IQSEC1: variants seen among roughly 807,000 people sequenced by gnomAD.
IQSEC1 encodes IQ motif and Sec7 domain ArfGEF 1, also known as IQ motif and SEC7 domain-containing protein 1.
IQSEC1 carries 31 observed loss-of-function variants against 91.0 expected under a neutral mutation model. That is an observed-to-expected ratio of 0.34 (90% CI 0.26 to 0.46). IQSEC1 has a LOEUF of 0.46. Among genes scored for constraint, IQSEC1 ranks in the 20% least tolerant of loss-of-function variants. The pLI, the probability that IQSEC1 is intolerant of heterozygous loss-of-function variation, is 1.00. For synonymous variants in IQSEC1, 699 were observed against 662.6 expected (o/e 1.05, Z -0.84); for missense variants, 1,388 against 1,575.6 (o/e 0.88, Z 2.02).
chr3:12,918,094 A>G (rs1696282902), intron 6 of IQSEC1, among the ~76,000 whole-genome samples: 1 of 152,302 alleles, frequency 6.6e-6, no homozygotes, highest in Admixed American at 6.5e-5. Context: ...GGCCTCAGCC[A>G]TTTCTTGGTT....
exon 1 of IQSEC1, among the ~76,000 whole-genome samples, chr3:13,283,228 G>A (rs1695835918): frequency 6.7e-6 from 1 of 149,228 alleles, no homozygotes; most frequent in African/African-American, 2.4e-5. Context: ...AGCTGCGGCC[G>A]CAGCGGGCAG....
chr3:13,082,591 G>A (rs1576241716), intron 2 of IQSEC1, among the ~76,000 whole-genome samples: 1 of 152,198 alleles, frequency 6.6e-6, no homozygotes. Flanking sequence ...TCAGTCACTG[G>A]GCTCTCAGCA....
intron 1 of IQSEC1, among the ~76,000 whole-genome samples, chr3:13,039,322 G>A (rs1200299422): frequency 6.6e-6 from 1 of 152,188 alleles, no homozygotes; most frequent in African/African-American, 2.4e-5. Flanking sequence ...CAGAGCTCCA[G>A]GATTATTTTA....
rs3773325 is a variant in IQSEC1 at position 12,935,156 on chromosome 3, G to C, written c.1568+292C>G. On this transcript the variant is annotated intron_variant, in intron 3 of 13. Coordinates refer to ENST00000613206, the MANE Select transcript of IQSEC1 (RefSeq NM_001134382.3). This position sits in a 1 kb window ranked among gnomAD's most constrained non-coding sequence, Gnocchi z 8.0. ...TACCCCACTTGCTATGGCGGACTTG[G>C]GGGGGATGGGACGGAAGGGCCCGGG... is the stretch of plus-strand genomic sequence containing the variant. Among the ~76,000 whole-genome samples, 17,104 of 152,196 alleles carry C rather than the reference G, an allele frequency of 0.11. 1,120 individuals are homozygous for C. The highest frequency in any genetic ancestry group is 0.21 in the South Asian group (1,005 of 4,820).
intron 2 of IQSEC1, among the ~76,000 whole-genome samples, chr3:13,134,324 C>T (rs1706672508): frequency 6.6e-6 from 1 of 152,232 alleles, no homozygotes; most frequent in South Asian, 2.1e-4. Flanking sequence ...TACCCTGAGT[C>T]TCCGCTCACT....
At chr3:13,007,708 A>C (rs879781344) in intron 1 of IQSEC1, among the ~76,000 whole-genome samples, 1 of 152,182 alleles carries the variant, frequency 6.6e-6, no homozygotes, top group Non-Finnish European at 1.5e-5. Flanking sequence ...CTGCTGCTTG[A>C]AAGCCTCCGC....
chr3:12,924,673 G>A lies in IQSEC1; in HGVS notation c.1638C>T (p.Ala546=). ...GFVPDTPVGV[A]HFLLQRKGLS... ...GGCCCTTGCGCTGCAGCAGGAAGTG[G>A]GCCACCCCGACGGGCGTGTCGGGCA... Residue 546 remains alanine, a synonymous_variant, in exon 4 of 14, where the codon GCC becomes GCT. Transcript: ENST00000613206. The surrounding 1 kb of genome is among the most constrained non-coding windows in gnomAD (Gnocchi z 6.3). 1 of 1,610,448 alleles carries A rather than the reference G, an allele frequency of 6.2e-7. No homozygotes were observed. Among genetic ancestry groups the A allele is most frequent in the East Asian group, 2.2e-5 (1 of 44,632 alleles).
chr3:13,176,493 C>T (rs912480157), intron 1 of IQSEC1, among the ~76,000 whole-genome samples: 2 of 152,188 alleles, frequency 1.3e-5, no homozygotes, highest in African/African-American at 4.8e-5. Context: ...AAACCATGGT[C>T]TCTCTCTCAC....
chr3:13,080,178 T>C (rs1705626612), intron 2 of IQSEC1, among the ~76,000 whole-genome samples: 1 of 152,152 alleles, frequency 6.6e-6, no homozygotes, highest in African/African-American at 2.4e-5. Context: ...AGGTTTGTGA[T>C]TAAATAGATC....
At chr3:12,957,792 C>T (rs1700006607) in intron 1 of IQSEC1, among the ~76,000 whole-genome samples, 1 of 152,258 alleles carries the variant, frequency 6.6e-6, no homozygotes, top group African/African-American at 2.4e-5. Flanking sequence ...CATGTACCCA[C>T]TGCCCCAACA....
chr3:12,965,463 C>G (rs1369255387), intron 1 of IQSEC1, among the ~76,000 whole-genome samples: 3 of 152,252 alleles, frequency 2.0e-5, no homozygotes, highest in South Asian at 4.1e-4. Context: ...TACCCCTCCC[C>G]CAAGCTTCCC....
intron 1 of IQSEC1, among the ~76,000 whole-genome samples, chr3:13,255,491 A>G (rs1379347862): frequency 1.3e-5 from 2 of 152,128 alleles, no homozygotes; most frequent in South Asian, 2.1e-4. Context: ...TGGTTAACTC[A>G]AGGCCAAACA....
intron 2 of IQSEC1, among the ~76,000 whole-genome samples, chr3:13,134,521 C>G (rs1706675302): frequency 6.6e-6 from 1 of 152,256 alleles, no homozygotes; most frequent in Admixed American, 6.5e-5. Flanking sequence ...TGTGCTTTAG[C>G]CACTTTCAGA....
chr3:13,093,929 C>T (rs1347376847), intron 2 of IQSEC1, among the ~76,000 whole-genome samples: 1 of 152,204 alleles, frequency 6.6e-6, no homozygotes, highest in East Asian at 1.9e-4. Flanking sequence ...TAGAGATGGG[C>T]TTGTAACCTG....
rs75050662 is a variant in IQSEC1 at position 12,946,257 on chromosome 3, T to C, written c.24-4392A>G. Among the ~76,000 whole-genome samples, 207 of 152,320 alleles carry C rather than the reference T, an allele frequency of 1.4e-3. 1 individual carries two copies. The highest frequency in any genetic ancestry group is 4.7e-3 in the African/African-American group (197 of 41,564). ...CCACCCACTGTAGCTGCCTTGGGGA[T>C]GCTTCTCCCAAAAACCCAGCCCATT... On this transcript the variant is annotated intron_variant, in intron 1 of 13. Transcript: ENST00000613206.
chr3:13,072,968 C>A, intron 1 of IQSEC1, 24 bp downstream of exon 1: 1 of 1,550,354 alleles, frequency 6.5e-7, no homozygotes, highest in Non-Finnish European at 8.7e-7. Context: ...TGGCTTCAGG[C>A]AGAAACCTGC....
chr3:13,147,398 T>C (rs1285455165), intron 2 of IQSEC1, among the ~76,000 whole-genome samples: 1 of 149,892 alleles, frequency 6.7e-6, no homozygotes, highest in Admixed American at 6.6e-5. Flanking sequence ...CTCCCACTTA[T>C]AAGTGAGAAC....
chr3:13,160,913 T>A (rs1707161420), intron 2 of IQSEC1, among the ~76,000 whole-genome samples: 1 of 152,082 alleles, frequency 6.6e-6, no homozygotes, highest in Non-Finnish European at 1.5e-5. Flanking sequence ...AATGCTTAAG[T>A]CATTTGGACA....
At chr3:13,161,136 C>A (rs1707167015) in intron 2 of IQSEC1, among the ~76,000 whole-genome samples, 1 of 152,072 alleles carries the variant, frequency 6.6e-6, no homozygotes, top group African/African-American at 2.4e-5. Context: ...GGCAGGCACG[C>A]AGGAATCATG....
Sources: gnomAD v4.1 joint callset for allele counts (sites outside exome capture counted in the v4.1 genomes callset) on GRCh38, gnomAD v4.1.1 for gene constraint, Gnocchi (gnomAD v3.1) non-coding constraint, MANE v1.5 for transcripts, NCBI Gene and HGNC (gene_info 2026-07-23, HGNC 2026-07-21) for gene names.